SORT1: variants seen among roughly 807,000 people sequenced by gnomAD.
SORT1 encodes sortilin.
In SORT1, 39 loss-of-function variants were observed where a neutral mutation model predicts 101.7. That is an observed-to-expected ratio of 0.38 (90% CI 0.30 to 0.50). The LOEUF (loss-of-function observed/expected upper bound fraction) is 0.50. Ranked by LOEUF, SORT1 falls within the 20% of genes least tolerant of loss-of-function variation. SORT1 has a pLI of 0.90. For missense variants in SORT1, 878 were observed against 1,040.4 expected (o/e 0.84, Z 2.15); for synonymous variants, 396 against 393.7 (o/e 1.01, Z -0.07).
In SORT1 at chr1:109,378,142, T is replaced by C. The variant is rs146436287; in HGVS notation, c.307-8553A>G. ...GTTCTAGCTACTCAGGAAGCTGAGGTAGGAGGATCACTTGAGCCCAGGAAT... is the reference window on the plus strand; with the variant it reads ...GTTCTAGCTACTCAGGAAGCTGAGGCAGGAGGATCACTTGAGCCCAGGAAT... On this transcript the variant is annotated intron_variant, in intron 1 of 19. Transcript: ENST00000256637. Among the ~76,000 whole-genome samples the C allele has an allele frequency of 9.9e-5, 15 of 152,024 alleles. No individual in the cohort carries two copies. In the East Asian group the frequency reaches 2.7e-3, roughly 27 times the overall value.
intron 1 of SORT1, among the ~76,000 whole-genome samples, chr1:109,386,891 T>C (rs1380494758): frequency 6.6e-6 from 1 of 152,240 alleles, no homozygotes; most frequent in African/African-American, 2.4e-5. Context: ...GGGTGAAATA[T>C]GCAAGGTGCT....
chr1:109,393,081 T>G (rs2100935220), intron 1 of SORT1: 1 of 985,302 alleles, frequency 1.0e-6, no homozygotes, highest in Non-Finnish European at 1.2e-6. Flanking sequence ...CAGGCCGAGG[T>G]CTTCAGCGGC....
chr1:109,326,312 C>G (rs1190609567), intron 13 of SORT1, among the ~76,000 whole-genome samples: 1 of 148,184 alleles, frequency 6.7e-6, no homozygotes, highest in East Asian at 2.0e-4. Flanking sequence ...CTTGGCCTCT[C>G]AAAGTGCTGG....
At chr1:109,376,469 C>A (rs1651864151) in intron 1 of SORT1, among the ~76,000 whole-genome samples, 1 of 151,818 alleles carries the variant, frequency 6.6e-6, no homozygotes, top group South Asian at 2.1e-4. Flanking sequence ...GCTCTATTTA[C>A]AATAGCAAAG....
intron 11 of SORT1, among the ~76,000 whole-genome samples, chr1:109,331,416 C>A (rs1038402832): frequency 6.6e-6 from 1 of 151,700 alleles, no homozygotes; most frequent in Non-Finnish European, 1.5e-5. Context: ...ATTTCAACAC[C>A]CATTCATGAT....
At chr1:109,395,409 CAG>C (rs1212160222) in intron 1 of SORT1, among the ~76,000 whole-genome samples, 1 of 151,556 alleles carries the variant, frequency 6.6e-6, no homozygotes, top group Non-Finnish European at 1.5e-5. Context: ...TTAGTAGAGA[CAG>C]GGTTTCACCA....
intron 1 of SORT1, chr1:109,389,944 GC>G (rs1652800573): frequency 1.3e-5 from 2 of 152,274 alleles, no homozygotes; most frequent in Middle Eastern, 6.8e-3. Flanking sequence ...AAGTCCTTTT[GC>G]CAAACTCACT....
chr1:109,394,819 C>T (rs1457812579), intron 1 of SORT1, among the ~76,000 whole-genome samples: 1 of 152,138 alleles, frequency 6.6e-6, no homozygotes, highest in Non-Finnish European at 1.5e-5. Context: ...GAACCATGAA[C>T]TTTTGCTTTT....
chr1:109,382,917 T>C (rs1022293510), intron 1 of SORT1, among the ~76,000 whole-genome samples: 1 of 152,066 alleles, frequency 6.6e-6, no homozygotes, highest in African/African-American at 2.4e-5. Flanking sequence ...GTTCATGAAT[T>C]AGCACAATGT....
At chr1:109,343,382 C>T (rs963231987) in intron 8 of SORT1, among the ~76,000 whole-genome samples, 10 of 152,314 alleles carry the variant, frequency 6.6e-5, no homozygotes, top group African/African-American at 2.4e-4. Context: ...ATGCACCTAA[C>T]TCAATGGTCC....
intron 3 of SORT1, among the ~76,000 whole-genome samples, 187 bp from the exon 4 acceptor site, chr1:109,355,656 C>A (rs868416091): frequency 1.0e-4 from 13 of 129,420 alleles, no homozygotes; most frequent in East Asian, 4.7e-4. Flanking sequence ...CCCCCCCCCC[C>A]ACAAACCCAC....
intron 17 of SORT1, among the ~76,000 whole-genome samples, chr1:109,316,478 T>G (rs185745470): frequency 1.3e-5 from 2 of 152,296 alleles, no homozygotes; most frequent in East Asian, 3.9e-4. Flanking sequence ...GTGATCTGCC[T>G]GCCTTGGACT....
intron 1 of SORT1, among the ~76,000 whole-genome samples, chr1:109,390,792 TGTGTGTGC>T (rs1420015163): frequency 2.8e-5 from 4 of 142,766 alleles, no homozygotes; most frequent in Non-Finnish European, 3.0e-5. Flanking sequence ...TGTGTGTGTG[TGTGTGTGC>T]GCGCGCGCGT....
chr1:109,385,128 C>T lies in SORT1; in HGVS notation c.306+12459G>A, dbSNP rs555935903. On this transcript the variant is annotated intron_variant, in intron 1 of 19. Transcript: ENST00000256637. ...AAAGAAATAGGACCAAACTCTCTCCCTATTATAATTAACCCACTCCTGGGA... is the reference window on the plus strand; with the variant it reads ...AAAGAAATAGGACCAAACTCTCTCCTTATTATAATTAACCCACTCCTGGGA... 1.1e-3 allele frequency among the ~76,000 whole-genome samples: 167 copies of T among 152,212 alleles called. 1 individual carries two copies. Among genetic ancestry groups the T allele is most frequent in the African/African-American group, 3.9e-3 (161 of 41,546 alleles).
At position 109,323,034 on chromosome 1, in the gene SORT1, T is replaced by C; in HGVS notation, c.1922A>G (p.Gln641Arg). 6.2e-7 allele frequency: 1 copy of C among 1,614,218 alleles called. No individual in the cohort carries two copies. The highest frequency in any genetic ancestry group is 8.5e-7 in the Non-Finnish European group (1 of 1,180,014). ...GGATGACTTGCGTAGCCGCAGAAAC[T>C]GTTCTTTGTAGCCCAAAATGCAGCC... Reference protein sequence around the residue: ...EDGCILGYKEQFLRLRKSSVC... With the variant: ...EDGCILGYKERFLRLRKSSVC... Residue 641 changes from glutamine (Q) to arginine (R), a missense_variant, in exon 15 of 20, where the codon CAG becomes CGG. This residue lies in a region of SORT1 where 684 missense variants were observed against 894.5 expected (regional missense o/e 0.76). Coordinates refer to ENST00000256637, the MANE Select transcript of SORT1 (RefSeq NM_002959.7).
intron 1 of SORT1, among the ~76,000 whole-genome samples, chr1:109,375,711 A>C (rs1651789285): frequency 6.6e-6 from 1 of 151,868 alleles, no homozygotes; most frequent in Non-Finnish European, 1.5e-5. Flanking sequence ...ATAGAGAAAA[A>C]TCTTAAAAGC....
intron 1 of SORT1, among the ~76,000 whole-genome samples, chr1:109,390,897 C>T (rs566711834): frequency 4.6e-5 from 7 of 152,010 alleles, no homozygotes; most frequent in South Asian, 2.1e-4. Flanking sequence ...AACATACATA[C>T]GTTTTCTTCT....
intron 14 of SORT1, 95 bp from the exon 15 acceptor site, chr1:109,323,216 A>G: frequency 1.2e-6 from 1 of 839,956 alleles, no homozygotes; most frequent in Non-Finnish European, 1.9e-6. Flanking sequence ...GGAGAGGGAA[A>G]GTGGGAATGT....
At position 109,327,543 on chromosome 1, in the gene SORT1, G is replaced by A. The variant is rs1648167603; in HGVS notation, c.1430C>T (p.Ala477Val). Residue 477 changes from alanine (A) to valine (V), a missense_variant, in exon 12 of 20, where the codon GCC becomes GTC. By Grantham distance (64) the Ala-to-Val change is moderately conservative. Coordinates refer to ENST00000256637, the MANE Select transcript of SORT1 (RefSeq NM_002959.7). ...TACGGCATTCGGCTCTGAGAGTGGG[G>A]CCATTGGAACATTCAGTTTCTGGGA... ...SISQKLNVPM[A>V]PLSEPNAVGI... The A allele has an allele frequency of 3.7e-6, 6 of 1,612,054 alleles. No homozygotes were observed. The South Asian group carries it at 6.6e-5, about 18-fold the overall frequency.
Sources: allele counts gnomAD v4.1 joint callset (sites outside exome capture counted in the v4.1 genomes callset), GRCh38; gene constraint gnomAD v4.1.1; regional missense constraint gnomAD v4.1.1; transcripts MANE v1.5; gene names NCBI Gene and HGNC (gene_info 2026-07-23, HGNC 2026-07-21).